Variants in DACH2 observed in about 807,000 individuals in gnomAD.
DACH2 encodes dachshund family transcription factor 2, also known as dachshund homolog 2.
In DACH2, 17 loss-of-function variants were observed where a neutral mutation model predicts 35.8. The observed-to-expected ratio is 0.48, with a 90% CI of 0.33 to 0.71. The LOEUF (loss-of-function observed/expected upper bound fraction) is 0.71. Ranked by LOEUF, DACH2 falls within the 30% of genes least tolerant of loss-of-function variation. The pLI is 0.02. For synonymous variants in DACH2, 195 were observed against 177.3 expected (o/e 1.10, Z -0.79); for missense variants, 469 against 472.7 (o/e 0.99, Z 0.07).
intron 2 of DACH2, among the ~76,000 whole-genome samples, chrX:86,477,808 T>C (rs2037871575): frequency 9.0e-6 from 1 of 111,376 alleles, no homozygotes; most frequent in Non-Finnish European, 1.9e-5. Context: ...AATTTCTTTC[T>C]CTTTATCTTT....
chrX:86,735,938 C>T (rs2041590145), intron 6 of DACH2, among the ~76,000 whole-genome samples: 1 of 111,423 alleles, frequency 9.0e-6, no homozygotes, highest in Non-Finnish European at 1.9e-5. Context: ...CTTGTGTTCT[C>T]ATTTGTAATA....
At chrX:86,413,201 A>C (rs1245631292) in intron 2 of DACH2, among the ~76,000 whole-genome samples, 1 of 112,122 alleles carries the variant, frequency 8.9e-6, no homozygotes, top group Non-Finnish European at 1.9e-5. Flanking sequence ...GGATTCAGTC[A>C]GCATAATGCC....
intron 2 of DACH2, among the ~76,000 whole-genome samples, chrX:86,394,917 C>T (rs1319490026): frequency 9.0e-6 from 1 of 111,648 alleles, no homozygotes; most frequent in Non-Finnish European, 1.9e-5. Context: ...TTCATCAACT[C>T]AATAAAGTGC....
chrX:86,825,701 A>T (rs887980971), intron 11 of DACH2, among the ~76,000 whole-genome samples: 1 of 111,851 alleles, frequency 8.9e-6, no homozygotes, highest in Non-Finnish European at 1.9e-5. Flanking sequence ...GATGAAAAAT[A>T]GAATTTCAGT....
chrX:86,620,372 C>A (rs55968027), intron 3 of DACH2, among the ~76,000 whole-genome samples: 3 of 111,453 alleles, frequency 2.7e-5, no homozygotes, highest in Non-Finnish European at 5.7e-5. Context: ...GGACTAGAGT[C>A]GGGGAATTGG....
intron 1 of DACH2, among the ~76,000 whole-genome samples, chrX:86,196,692 C>CAAAAAAAAAAAAAAAAAAAAAAA (rs56268300): frequency 3.7e-5 from 1 of 27,370 alleles, no homozygotes; most frequent in African/African-American, 1.7e-4. Flanking sequence ...GACTCCATCT[C>CAAAAAAAAAAAAAAAAAAAAAAA]AAAAAAAAAA....
chrX:86,278,762 C>G, intron 1 of DACH2, among the ~76,000 whole-genome samples: 1 of 111,738 alleles, frequency 8.9e-6, no homozygotes, highest in African/African-American at 3.3e-5. Flanking sequence ...GATCCCACCC[C>G]CATGGAGCCC....
At position 86,504,180 on chromosome X, in the gene DACH2, T is replaced by A. The variant is rs760639899; in HGVS notation, c.528-10099T>A. Among the ~76,000 whole-genome samples, 3 of 110,779 alleles carry A rather than the reference T, an allele frequency of 2.7e-5. No individual in the cohort carries two copies. The East Asian group carries it at 8.5e-4, about 31-fold the overall frequency. On this transcript the variant is annotated intron_variant, in intron 2 of 11. Coordinates refer to ENST00000373125, the MANE Select transcript of DACH2 (RefSeq NM_053281.3). ...CCTCATAATTCTTTGAGTCAAATCA[T>A]TTTGGTACCAAATAGCAGATGAAAC...
At chrX:86,343,723 G>T (rs1487411564) in intron 1 of DACH2, among the ~76,000 whole-genome samples, 5 of 111,402 alleles carry the variant, frequency 4.5e-5, no homozygotes, top group Non-Finnish European at 9.4e-5. Context: ...TGTATCCCAA[G>T]GATTAGCAAT....
intron 2 of DACH2, among the ~76,000 whole-genome samples, chrX:86,398,547 A>G (rs944468796): frequency 8.9e-6 from 1 of 111,826 alleles, no homozygotes. Context: ...ATTTCCCTCT[A>G]CACACTGCTT....
At position 86,812,902 on chromosome X, in the gene DACH2, G is replaced by A; in HGVS notation, c.1287G>A (p.Lys429=). The part of the protein sequence containing the change: ...QIPIMKSPLD[K]IQLTPGQALP... ...CAATAATGAAGTCACCCTTGGACAA[G>A]ATACAGCTGACTCCTGGGCAGGCAT... The change falls in exon 8 of 12, where the codon AAG becomes AAA. Residue 429 remains lysine, a synonymous_variant. Transcript: ENST00000373125. 3 of 1,207,239 alleles carry A rather than the reference G, an allele frequency of 2.5e-6. No homozygotes were observed. Among genetic ancestry groups the A allele is most frequent in the Non-Finnish European group, 3.4e-6 (3 of 892,687 alleles).
chrX:86,150,991 G>T (rs1225582894), intron 1 of DACH2, among the ~76,000 whole-genome samples: 2 of 111,143 alleles, frequency 1.8e-5, no homozygotes, highest in Non-Finnish European at 3.8e-5. Context: ...TTACACTTAG[G>T]AAATTCTTCC....
intron 3 of DACH2, among the ~76,000 whole-genome samples, chrX:86,566,920 G>A (rs138701568): frequency 8.9e-5 from 10 of 111,868 alleles, no homozygotes; most frequent in South Asian, 3.7e-4. Context: ...TAGAGCCCAG[G>A]TTGCCTGAAT....
At chrX:86,312,338 T>A (rs2034818622) in intron 1 of DACH2, among the ~76,000 whole-genome samples, 1 of 112,013 alleles carries the variant, frequency 8.9e-6, no homozygotes, top group South Asian at 3.7e-4. Flanking sequence ...GCCATTTTAG[T>A]TGTACGAAGG....
At chrX:86,529,641 T>G (rs1435857600) in intron 3 of DACH2, among the ~76,000 whole-genome samples, 1 of 108,666 alleles carries the variant, frequency 9.2e-6, no homozygotes, top group Non-Finnish European at 1.9e-5. Context: ...CCCAGCTAAT[T>G]TTTTGTATTT....
intron 3 of DACH2, among the ~76,000 whole-genome samples, chrX:86,542,970 G>A (rs2038906767): frequency 8.9e-6 from 1 of 112,305 alleles, no homozygotes; most frequent in Non-Finnish European, 1.9e-5. Flanking sequence ...ACCTAGTCTG[G>A]AGGGCCAAGG....
chrX:86,477,127 T>C lies in DACH2; in HGVS notation c.528-37152T>C, dbSNP rs781584299. On this transcript the variant is annotated intron_variant, in intron 2 of 11. Transcript: ENST00000373125. ...ATAAGAATGTATTCTGTAGCTATTA[T>C]ATAAAATGATCTATAAAGATAGATT... Among the ~76,000 whole-genome samples the C allele has an allele frequency of 2.7e-5, 3 of 109,796 alleles. No homozygotes were observed. The South Asian group carries it at 1.2e-3, about 42-fold the overall frequency.
intron 3 of DACH2, among the ~76,000 whole-genome samples, chrX:86,563,060 T>G (rs191792715): frequency 2.7e-5 from 3 of 110,982 alleles, no homozygotes; most frequent in South Asian, 7.5e-4. Context: ...TAGATTGGTC[T>G]AGGTTTCTTA....
intron 4 of DACH2, among the ~76,000 whole-genome samples, chrX:86,681,399 T>C (rs1363308471): frequency 9.1e-6 from 1 of 110,189 alleles, no homozygotes; most frequent in Non-Finnish European, 1.9e-5. Flanking sequence ...CGGGAAACAG[T>C]GAGACCCCAT....
Sources: allele counts gnomAD v4.1 joint callset (sites outside exome capture counted in the v4.1 genomes callset), GRCh38; gene constraint gnomAD v4.1.1; transcripts MANE v1.5; gene names NCBI Gene and HGNC (gene_info 2026-07-23, HGNC 2026-07-21).